The following PREP variants were observed in gnomAD, a reference collection of about 807,000 sequenced individuals.
The protein encoded by PREP is prolyl endopeptidase, also known as dJ355L5.1 (prolyl endopeptidase).
In PREP, 29 loss-of-function variants were observed where a neutral mutation model predicts 87.6. That is an observed-to-expected ratio of 0.33 (90% CI 0.25 to 0.45). The LOEUF (loss-of-function observed/expected upper bound fraction) is 0.45, where lower values mean the gene tolerates loss of function less well. Ranked by LOEUF, PREP falls within the 20% of genes least tolerant of loss-of-function variation. The probability of loss-of-function intolerance (pLI) is 1.00; values close to 1 mark genes in which losing one functional copy is unlikely to be tolerated. For missense variants in PREP, 695 were observed against 886.5 expected (o/e 0.78, Z 2.74); for synonymous variants, 337 against 328.6 (o/e 1.03, Z -0.28).
intron 1 of PREP, among the ~76,000 whole-genome samples, chr6:105,398,217 A>G (rs1773336647): frequency 6.6e-6 from 1 of 152,206 alleles, no homozygotes; most frequent in Non-Finnish European, 1.5e-5. Flanking sequence ...CCACTGTGCT[A>G]AAGAAACTTG....
At chr6:105,336,234 T>C (rs888784789) in intron 7 of PREP, among the ~76,000 whole-genome samples, 15 of 152,248 alleles carry the variant, frequency 9.9e-5, no homozygotes, top group African/African-American at 2.9e-4. Context: ...CACGCCAGCC[T>C]GGGCGACAGA....
intron 10 of PREP, chr6:105,322,199 C>A (rs1771030278): frequency 1.4e-6 from 1 of 737,358 alleles, no homozygotes. Context: ...CAGGCCCCTA[C>A]AGGATCTCCC....
intron 6 of PREP, among the ~76,000 whole-genome samples, chr6:105,358,699 A>C (rs1283089223): frequency 6.6e-6 from 1 of 151,856 alleles, no homozygotes; most frequent in Non-Finnish European, 1.5e-5. Flanking sequence ...GGAGTAATTC[A>C]CTCTTCCCCC....
chr6:105,326,840 G>C (rs1159177787), intron 9 of PREP, among the ~76,000 whole-genome samples: 1 of 152,190 alleles, frequency 6.6e-6, no homozygotes, highest in African/African-American at 2.4e-5. Flanking sequence ...ACAAAGCTTG[G>C]TCAGAAAATT....
intron 6 of PREP, among the ~76,000 whole-genome samples, chr6:105,364,231 G>A (rs1772325334): frequency 6.6e-6 from 1 of 152,184 alleles, no homozygotes; most frequent in Non-Finnish European, 1.5e-5. Flanking sequence ...ATAACCAAAA[G>A]TGTCCAGAAA....
At chr6:105,334,296 A>T (rs1771422892) in intron 7 of PREP, among the ~76,000 whole-genome samples, 1 of 152,236 alleles carries the variant, frequency 6.6e-6, no homozygotes, top group South Asian at 2.1e-4. Context: ...AGATGGTTCC[A>T]ACACTTGCCT....
rs1036807406 is a variant in PREP, at chr6:105,275,392, A to C, written c.*2752T>G. Among the ~76,000 whole-genome samples, 2 of 152,234 alleles carry C rather than the reference A, an allele frequency of 1.3e-5. No individual in the cohort carries two copies. Among genetic ancestry groups the C allele is most frequent in the African/African-American group, 4.8e-5 (2 of 41,464 alleles). ...TAATTGGAAAGTTTTATAATATTCCAGGTAAGTCCATAGTGAACATAAATG... is the reference window on the plus strand; with the variant it reads ...TAATTGGAAAGTTTTATAATATTCCCGGTAAGTCCATAGTGAACATAAATG... On this transcript the variant is annotated 3_prime_UTR_variant, in exon 15 of 15. Coordinates refer to ENST00000652536, the MANE Select transcript of PREP (RefSeq NM_002726.5).
intron 3 of PREP, 92 bp downstream of exon 3, chr6:105,377,294 T>C: frequency 1.4e-6 from 2 of 1,382,872 alleles, no homozygotes; most frequent in Admixed American, 2.3e-5. Context: ...ATTAATCTTA[T>C]ACAAGGACAA....
At position 105,293,826 on chromosome 6, in the gene PREP, A is replaced by G. The variant is rs1223829648; in HGVS notation, c.1318-4932T>C. ...AAATAACCTGAGTCTTTTGATAACT[A>G]TGGAAGGAATCCATGTAGACATTTT... On this transcript the variant is annotated intron_variant, in intron 10 of 14. Transcript: ENST00000652536. Among the ~76,000 whole-genome samples, 3 of 152,212 alleles carry G rather than the reference A, an allele frequency of 2.0e-5. No homozygotes were observed. In the East Asian group the frequency reaches 5.8e-4, roughly 29 times the overall value.
chr6:105,382,314 A>C (rs893739280), intron 2 of PREP, among the ~76,000 whole-genome samples: 1 of 123,934 alleles, frequency 8.1e-6, no homozygotes, highest in African/African-American at 3.0e-5. Context: ...CACACACACA[A>C]AGTATGTGAG....
chr6:105,383,100 G>A (rs35835603), intron 2 of PREP, among the ~76,000 whole-genome samples: 1 of 152,170 alleles, frequency 6.6e-6, no homozygotes, highest in Non-Finnish European at 1.5e-5. Flanking sequence ...GTAGGACTTA[G>A]GGCCAGGAGG....
At chr6:105,282,699 G>C (rs1304919910) in intron 12 of PREP, 117 bp from the exon 13 acceptor site, 1 of 1,148,152 alleles carries the variant, frequency 8.7e-7, no homozygotes, top group Admixed American at 2.7e-5. Flanking sequence ...AAAAACCATG[G>C]GTTAACACTG....
At chr6:105,340,531 C>G (rs776569825) in intron 7 of PREP, among the ~76,000 whole-genome samples, 21 of 152,114 alleles carry the variant, frequency 1.4e-4, no homozygotes, top group Admixed American at 3.3e-4. Flanking sequence ...GGATCAAATC[C>G]ACACATAACA....
At chr6:105,397,950 T>C (rs1014238016) in intron 1 of PREP, 23 bp from the exon 2 acceptor site, 20 of 1,525,554 alleles carry the variant, frequency 1.3e-5, no homozygotes, top group Non-Finnish European at 1.6e-5. Context: ...AAATGAGGTA[T>C]TAGATAATTA....
intron 2 of PREP, among the ~76,000 whole-genome samples, chr6:105,381,280 T>C (rs1772829285): frequency 6.6e-6 from 1 of 152,236 alleles, no homozygotes; most frequent in South Asian, 2.1e-4. Context: ...ACGAAGGTGG[T>C]AGAAAATTTC....
intron 12 of PREP, among the ~76,000 whole-genome samples, chr6:105,283,617 A>G (rs945197481): frequency 4.6e-5 from 7 of 152,216 alleles, no homozygotes; most frequent in African/African-American, 1.7e-4. Context: ...GTATATGACT[A>G]CATTTTAAAA....
At chr6:105,395,584 TGTCTTA>T (rs66479915) in intron 2 of PREP, among the ~76,000 whole-genome samples, 43,853 of 151,914 alleles carry the variant, frequency 0.29, 7,972 homozygotes, top group African/African-American at 0.53. Context: ...TATACTCCAA[TGTCTTA>T]GTTTCTATCA....
At position 105,278,372 on chromosome 6, in the gene PREP, G is replaced by T; in HGVS notation, c.1905C>A (p.Leu635=). 2 of 1,614,212 alleles carry T rather than the reference G, an allele frequency of 1.2e-6. No individual in the cohort carries two copies. Among genetic ancestry groups the T allele is most frequent in the Non-Finnish European group, 8.5e-7 (1 of 1,180,002 alleles). ...ADDIQYPSML[L]LTADHDDRVV... ...CGCGGTCATCATGGTCAGCAGTGAG[G>T]AGCAGCATGGACGGGTACTGGATGT... The change falls in exon 15 of 15, where the codon CTC becomes CTA. Residue 635 remains leucine, a synonymous_variant. Coordinates refer to ENST00000652536, the MANE Select transcript of PREP (RefSeq NM_002726.5). The surrounding 1 kb of genome is among the most constrained non-coding windows in gnomAD (Gnocchi z 4.2).
chr6:105,322,718 G>C (rs1771045003), intron 10 of PREP: 1 of 1,001,714 alleles, frequency 1.0e-6, no homozygotes, highest in Non-Finnish European at 1.2e-6. Flanking sequence ...GCCAACTGCT[G>C]ATGTAGAACA....
Sources: allele counts gnomAD v4.1 joint callset (sites outside exome capture counted in the v4.1 genomes callset), GRCh38; gene constraint gnomAD v4.1.1; non-coding constraint Gnocchi (gnomAD v3.1); transcripts MANE v1.5; gene names NCBI Gene and HGNC (gene_info 2026-07-23, HGNC 2026-07-21).